Variants in PCDHGA1 observed in about 807,000 individuals in gnomAD.
PCDHGA1 encodes protocadherin gamma-A1.
PCDHGA1 carries 32 observed loss-of-function variants against 58.0 expected under a neutral mutation model. The ratio of observed to expected loss-of-function variants is 0.55; its 90% CI spans 0.42 to 0.74. PCDHGA1 has a LOEUF of 0.74. PCDHGA1 is among the 30% of genes least tolerant of loss of function. PCDHGA1 has a pLI of 0.00. For synonymous variants in PCDHGA1, 498 were observed against 501.1 expected (o/e 0.99, Z 0.08); for missense variants, 1,205 against 1,182.3 (o/e 1.02, Z -0.28).
rs1561728654 is a variant in PCDHGA1, at chr5:141,410,479, G to C, written c.2421+77374G>C. 3.7e-6 allele frequency: 6 copies of C among 1,613,838 alleles called. No homozygotes were observed. In the African/African-American group the frequency reaches 8.0e-5, roughly 22 times the overall value. ...CTTATAATCTGTGCATTGCACATAC[G>C]GGTACAAAAGAGTTTAATTTCCTAA... On this transcript the variant is annotated intron_variant, in intron 1 of 3. Coordinates refer to ENST00000517417, the MANE Select transcript of PCDHGA1 (RefSeq NM_018912.3).
In PCDHGA1 at chr5:141,512,249, T is replaced by A. The variant is rs1159090773; in HGVS notation, c.*1076T>A. 6.6e-6 allele frequency: 1 copy of A among 152,598 alleles called. No individual in the cohort carries two copies. The allele number at this position is 152,598 out of a possible 1,614,324, so 9.5% of individuals were successfully genotyped here. On this transcript the variant is annotated 3_prime_UTR_variant, in exon 4 of 4. Coordinates refer to ENST00000517417, the MANE Select transcript of PCDHGA1 (RefSeq NM_018912.3). Reference sequence around the variant, plus strand: ...CCTTGAGAGGTCAGAGGGGCCTCTGTGGGTGCTGGGTACTCCAGAGGTGCC... The same window carrying A: ...CCTTGAGAGGTCAGAGGGGCCTCTGAGGGTGCTGGGTACTCCAGAGGTGCC...
Position 141,491,834 on chromosome 5 carries a change from CG to C in PCDHGA1, c.2422-2970del. On this transcript the variant is annotated intron_variant, in intron 1 of 3. Transcript: ENST00000517417. This position sits in a 1 kb window ranked among gnomAD's most constrained non-coding sequence, Gnocchi z 6.9. ...CGCTGGCTGCGCTCCACCCGATTCT[CG>C]GGATCATTGGACCGTTTGCGCGAAA... 1 of 1,473,830 alleles carries C rather than the reference CG, an allele frequency of 6.8e-7. No homozygotes were observed. Among genetic ancestry groups the C allele is most frequent in the Middle Eastern group, 1.8e-4 (1 of 5,590 alleles). The allele number at this position is 1,473,830 out of a possible 1,614,324, so 91.3% of individuals were successfully genotyped here.
chr5:141,375,190 T>C, intron 1 of PCDHGA1: 1 of 1,613,964 alleles, frequency 6.2e-7, no homozygotes, highest in South Asian at 1.1e-5. Context: ...TCGCCCTTTT[T>C]CAAGTGTTCG....
At chr5:141,433,646 A>G (rs2097639113) in intron 1 of PCDHGA1, among the ~76,000 whole-genome samples, 1 of 152,012 alleles carries the variant, frequency 6.6e-6, no homozygotes, top group Non-Finnish European at 1.5e-5. Flanking sequence ...GACCAGCCTG[A>G]CCAACATGGA....
chr5:141,421,357 T>A lies in PCDHGA1; in HGVS notation c.2422-73450T>A, dbSNP rs761522510. ...GGTGCCAGAAGAGACCGAAAAGGGC[T>A]CCTTCGTGGGCAATATCTCCAAGGA... On this transcript the variant is annotated intron_variant, in intron 1 of 3. Coordinates refer to ENST00000517417, the MANE Select transcript of PCDHGA1 (RefSeq NM_018912.3). 4.3e-6 allele frequency: 7 copies of A among 1,613,976 alleles called. 1 individual carries two copies. The South Asian group carries it at 7.7e-5, about 18-fold the overall frequency.
chr5:141,398,908 G>A, intron 1 of PCDHGA1: 2 of 1,613,978 alleles, frequency 1.2e-6, no homozygotes, highest in East Asian at 2.2e-5. Flanking sequence ...AGGCACCACT[G>A]TGTTGCAAGT....
At chr5:141,397,614 A>ACTAGAACT (rs2150713337) in intron 1 of PCDHGA1, among the ~76,000 whole-genome samples, 1 of 152,358 alleles carries the variant, frequency 6.6e-6, no homozygotes, top group African/African-American at 2.4e-5. Context: ...CAAGGGCAAT[A>ACTAGAACT]CTTAGTTCTA....
chr5:141,357,346 C>G lies in PCDHGA1; in HGVS notation c.2421+24241C>G, dbSNP rs1200320235. On this transcript the variant is annotated intron_variant, in intron 1 of 3. Coordinates refer to ENST00000517417, the MANE Select transcript of PCDHGA1 (RefSeq NM_018912.3). ...TGTCACGGTGCTGCTAGCACTCAAGCTGAGACGCTGGCACAAGTCACGCCT... is the reference window on the plus strand; with the variant it reads ...TGTCACGGTGCTGCTAGCACTCAAGGTGAGACGCTGGCACAAGTCACGCCT... The G allele has an allele frequency of 1.9e-6, 3 of 1,614,002 alleles. No individual in the cohort carries two copies. Among genetic ancestry groups the G allele is most frequent in the Non-Finnish European group, 2.5e-6 (3 of 1,179,964 alleles).
chr5:141,400,445 A>G (rs779145110), intron 1 of PCDHGA1: 1 of 1,614,084 alleles, frequency 6.2e-7, no homozygotes, highest in Non-Finnish European at 8.5e-7. Flanking sequence ...AGTTCAGGAC[A>G]AGACATACTT....
chr5:141,345,886 C>T lies in PCDHGA1; in HGVS notation c.2421+12781C>T, dbSNP rs569851856. 8.7e-6 allele frequency: 14 copies of T among 1,613,424 alleles called. No individual in the cohort carries two copies. The East Asian group carries it at 1.6e-4, about 18-fold the overall frequency. On this transcript the variant is annotated intron_variant, in intron 1 of 3. Coordinates refer to ENST00000517417, the MANE Select transcript of PCDHGA1 (RefSeq NM_018912.3). ...AAGGCCAGCGAGCCGGGACTCTTCT[C>T]GGTGGGTCTGCACACGGGCGAGGTG... is the stretch of plus-strand genomic sequence containing the variant.
chr5:141,447,849 G>A (rs2154561912), intron 1 of PCDHGA1, among the ~76,000 whole-genome samples: 1 of 152,306 alleles, frequency 6.6e-6, no homozygotes, highest in East Asian at 1.9e-4. Context: ...GCTTTGGGAG[G>A]CCGAGGTGGG....
intron 1 of PCDHGA1, chr5:141,478,239 C>T: frequency 1.2e-6 from 2 of 1,614,132 alleles, no homozygotes; most frequent in Non-Finnish European, 1.7e-6. Context: ...TTTGTGGTCA[C>T]AGTGTTCGGA....
chr5:141,356,258 C>T, intron 1 of PCDHGA1: 2 of 1,566,144 alleles, frequency 1.3e-6, no homozygotes, highest in Non-Finnish European at 1.7e-6. Flanking sequence ...ACATCTCTCA[C>T]CAGCTCAGTC....
chr5:141,409,639 G>A, intron 1 of PCDHGA1: 1 of 1,613,760 alleles, frequency 6.2e-7, no homozygotes, highest in Non-Finnish European at 8.5e-7. Flanking sequence ...CCTCTGACCC[G>A]GATTTGGGGC....
Position 141,340,475 on chromosome 5 carries a change from T to A in PCDHGA1, c.2421+7370T>A, listed in dbSNP as rs1010583487. The A allele has an allele frequency of 6.2e-7, 1 of 1,614,188 alleles. No individual in the cohort carries two copies. The highest frequency in any genetic ancestry group is 1.3e-5 in the African/African-American group (1 of 75,028). On this transcript the variant is annotated intron_variant, in intron 1 of 3. Transcript: ENST00000517417. ...GGACACTGTTCAGGGGGCACCCTTA[T>A]CCTCTTACATCTCTATCAACTCCGA...
intron 1 of PCDHGA1, among the ~76,000 whole-genome samples, chr5:141,425,471 T>A (rs2096877403): frequency 6.6e-6 from 1 of 152,218 alleles, no homozygotes; most frequent in African/African-American, 2.4e-5. Flanking sequence ...TGTTATTAAT[T>A]CCTATGGCAA....
At chr5:141,394,868 C>T in intron 1 of PCDHGA1, 1 of 1,613,828 alleles carries the variant, frequency 6.2e-7, no homozygotes, top group Non-Finnish European at 8.5e-7. Flanking sequence ...TCGACCCGAA[C>T]GATTCGAGCC....
At chr5:141,387,089 G>A (rs1034064461) in intron 1 of PCDHGA1, among the ~76,000 whole-genome samples, 1 of 152,162 alleles carries the variant, frequency 6.6e-6, no homozygotes, top group Non-Finnish European at 1.5e-5. Flanking sequence ...TGTGATCATC[G>A]AAATGAGAAT....
At chr5:141,390,533 A>G (rs1589127549) in intron 1 of PCDHGA1, 1 of 529,950 alleles carries the variant, frequency 1.9e-6, no homozygotes. Context: ...GTGTGGTTTT[A>G]ACCACAAAGT....
Sources: gnomAD v4.1 joint callset for allele counts (sites outside exome capture counted in the v4.1 genomes callset) on GRCh38, gnomAD v4.1.1 for gene constraint, Gnocchi (gnomAD v3.1) non-coding constraint, MANE v1.5 for transcripts, NCBI Gene and HGNC (gene_info 2026-07-23, HGNC 2026-07-21) for gene names.